Variants in DISC1 observed in about 807,000 individuals in gnomAD.
DISC1 encodes the protein DISC1 scaffold protein.
Under a neutral mutation model 84.5 loss-of-function variants are expected in DISC1, and 57 were observed. That is an observed-to-expected ratio of 0.67 (90% CI 0.55 to 0.84). DISC1 has a LOEUF of 0.84. Ranked by LOEUF, DISC1 falls within the 40% of genes least tolerant of loss-of-function variation. DISC1 has a pLI of 0.00. For synonymous variants in DISC1, 411 were observed against 415.2 expected (o/e 0.99, Z 0.12); for missense variants, 1,000 against 1,057.8 (o/e 0.95, Z 0.76).
chr1:232,032,515 C>G (rs1670145705), intron 12 of DISC1, among the ~76,000 whole-genome samples: 1 of 152,122 alleles, frequency 6.6e-6, no homozygotes, highest in Admixed American at 6.5e-5. Flanking sequence ...CAAGGAGGTA[C>G]AGAATGGCCT....
At chr1:231,861,406 A>G (rs2084635374) in intron 9 of DISC1, among the ~76,000 whole-genome samples, 1 of 148,910 alleles carries the variant, frequency 6.7e-6, no homozygotes, top group Admixed American at 6.7e-5. Context: ...TGCTGAGATT[A>G]CAGGAGTGAG....
intron 7 of DISC1, among the ~76,000 whole-genome samples, chr1:231,799,731 C>A (rs1251143070): frequency 6.6e-6 from 1 of 151,224 alleles, no homozygotes; most frequent in Non-Finnish European, 1.5e-5. Context: ...TCTGTTAGCT[C>A]CTATCAGTTT....
chr1:231,641,417 C>T (rs2059657632), intron 1 of DISC1, among the ~76,000 whole-genome samples: 1 of 152,076 alleles, frequency 6.6e-6, no homozygotes, highest in African/African-American at 2.4e-5. Flanking sequence ...TCGTTCGTTC[C>T]TCCTTGTAGG....
chr1:231,776,612 G>C (rs2076985072), intron 6 of DISC1, among the ~76,000 whole-genome samples: 1 of 152,326 alleles, frequency 6.6e-6, no homozygotes, highest in Middle Eastern at 3.4e-3. Context: ...CCTGGCGGGG[G>C]GCACTGATTA....
In DISC1 at chr1:231,716,423, G is replaced by A. The variant is rs528391312; in HGVS notation, c.1117+14399G>A. Among the ~76,000 whole-genome samples the A allele has an allele frequency of 1.1e-4, 16 of 151,044 alleles. No individual in the cohort carries two copies. The South Asian group carries it at 1.7e-3, about 16-fold the overall frequency. On this transcript the variant is annotated intron_variant, in intron 3 of 12. Transcript: ENST00000439617. Reference sequence around the variant, plus strand: ...AAGCTTGACTACTCTTCACATTGTCGTATGGCAAACTATTTTTTTTATCTG... The same window carrying A: ...AAGCTTGACTACTCTTCACATTGTCATATGGCAAACTATTTTTTTTATCTG...
At chr1:231,918,553 C>T (rs1352659714) in intron 9 of DISC1, among the ~76,000 whole-genome samples, 1 of 152,198 alleles carries the variant, frequency 6.6e-6, no homozygotes, top group African/African-American at 2.4e-5. Flanking sequence ...GTTAGATGTG[C>T]ATTTGCAAGT....
At chr1:231,632,592 A>G (rs1335948888) in intron 1 of DISC1, among the ~76,000 whole-genome samples, 1 of 152,242 alleles carries the variant, frequency 6.6e-6, no homozygotes, top group Non-Finnish European at 1.5e-5. Context: ...TTCTTCTTTT[A>G]CAGGTGAGAA....
intron 9 of DISC1, among the ~76,000 whole-genome samples, chr1:231,832,369 G>T (rs201149883): frequency 2.1e-3 from 312 of 148,396 alleles, no homozygotes; most frequent in African/African-American, 7.7e-3. Context: ...TGCGGTCCTG[G>T]CTCTTGTGTA....
intron 6 of DISC1, among the ~76,000 whole-genome samples, chr1:231,793,035 A>C (rs983310406): frequency 6.6e-6 from 1 of 152,194 alleles, no homozygotes; most frequent in African/African-American, 2.4e-5. Flanking sequence ...ATGACTGATT[A>C]GTACGGACCT....
intron 9 of DISC1, among the ~76,000 whole-genome samples, chr1:231,932,979 A>G (rs183053416): frequency 6.6e-6 from 1 of 152,340 alleles, no homozygotes; most frequent in African/African-American, 2.4e-5. Flanking sequence ...CATCCAATGT[A>G]ATCATATGTG....
intron 10 of DISC1, among the ~76,000 whole-genome samples, chr1:231,971,476 C>T (rs992813280): frequency 1.3e-5 from 2 of 152,136 alleles, no homozygotes; most frequent in Non-Finnish European, 2.9e-5. Flanking sequence ...CTGCAGCAGC[C>T]GTGGCAAATG....
rs140399679 is a variant in DISC1, at chr1:231,889,277, T to A, written c.1982-69551T>A. On this transcript the variant is annotated intron_variant, in intron 9 of 12. Coordinates refer to ENST00000439617, the MANE Select transcript of DISC1 (RefSeq NM_018662.3). ...GAGCATATGGGCAGGACAAGCCACC[T>A]TTGTCCATAAGGCGGGGTACACGCC... Among the ~76,000 whole-genome samples the A allele has an allele frequency of 1.2e-3, 190 of 152,246 alleles. 1 individual carries two copies. The highest frequency in any genetic ancestry group is 4.3e-3 in the African/African-American group (178 of 41,544).
intron 9 of DISC1, among the ~76,000 whole-genome samples, chr1:231,876,272 C>T (rs986299517): frequency 3.3e-5 from 5 of 152,152 alleles, no homozygotes; most frequent in South Asian, 2.1e-4. Context: ...GGCACCTCCC[C>T]GCTTGCTCTC....
intron 11 of DISC1, among the ~76,000 whole-genome samples, chr1:232,025,711 C>T (rs567469055): frequency 6.6e-6 from 1 of 151,774 alleles, no homozygotes; most frequent in African/African-American, 2.4e-5. Context: ...ATTCTCCTGC[C>T]TCAGCCTCCC....
At chr1:231,971,922 A>G (rs1433506820) in intron 10 of DISC1, among the ~76,000 whole-genome samples, 3 of 152,246 alleles carry the variant, frequency 2.0e-5, no homozygotes, top group African/African-American at 7.2e-5. Flanking sequence ...AAGAAAAAGA[A>G]GAGAATCACC....
chr1:231,749,149 C>T (rs996974439), intron 3 of DISC1, among the ~76,000 whole-genome samples: 5 of 152,184 alleles, frequency 3.3e-5, no homozygotes, highest in Admixed American at 3.3e-4. Flanking sequence ...TGCATCTTCA[C>T]TCCCCCACCG....
At chr1:231,821,922 A>C (rs539652104) in intron 9 of DISC1, among the ~76,000 whole-genome samples, 1 of 152,110 alleles carries the variant, frequency 6.6e-6, no homozygotes, top group East Asian at 1.9e-4. Context: ...GCTGGTCTCA[A>C]ACTCCTGACC....
At chr1:231,717,490 T>A (rs890980838) in intron 3 of DISC1, among the ~76,000 whole-genome samples, 7 of 152,158 alleles carry the variant, frequency 4.6e-5, no homozygotes, top group Non-Finnish European at 4.4e-5. Flanking sequence ...CTCTGCTGAC[T>A]CTGTCTCACT....
chr1:231,774,704 G>T (rs2076827629), intron 6 of DISC1: 1 of 455,890 alleles, frequency 2.2e-6, no homozygotes, highest in Non-Finnish European at 4.4e-6. Context: ...ATCAATATTT[G>T]GGCTTTCCAT....
Sources: allele counts gnomAD v4.1 joint callset (sites outside exome capture counted in the v4.1 genomes callset), GRCh38; gene constraint gnomAD v4.1.1; transcripts MANE v1.5; gene names NCBI Gene and HGNC (gene_info 2026-07-23, HGNC 2026-07-21).